The following KRT81 variants were observed in gnomAD, a reference collection of about 807,000 sequenced individuals.
KRT81 encodes keratin, type II cuticular Hb1.
A neutral mutation model predicts 35.8 loss-of-function variants in KRT81; 35 were observed. The ratio of observed to expected loss-of-function variants is 0.98; its 90% CI spans 0.75 to 1.30. The LOEUF is 1.30. KRT81 is among the 50% of genes most tolerant of loss of function. KRT81 has a pLI of 0.00. For missense variants in KRT81, 531 were observed against 577.4 expected (o/e 0.92, Z 0.82); for synonymous variants, 249 against 251.2 (o/e 0.99, Z 0.08).
intron 5 of KRT81, 116 bp from the exon 6 acceptor site, chr12:52,287,837 T>G: frequency 9.4e-6 from 15 of 1,601,510 alleles, no homozygotes; most frequent in Non-Finnish European, 1.2e-5. Flanking sequence ...CACATGGCAG[T>G]CCTGCCCTGC....
Position 52,286,425 on chromosome 12 carries a change from C to T in KRT81, c.1348G>A (p.Gly450Ser), listed in dbSNP as rs1472150207. 1.9e-6 allele frequency: 3 copies of T among 1,553,388 alleles called. No individual in the cohort carries two copies. The highest frequency in any genetic ancestry group is 2.6e-6 in the Non-Finnish European group (3 of 1,148,166). ...LCVSGSRPVT[G>S]SVCSAPCNGN... ...TTGCACGGAGCGCTGCAGACACTGC[C>T]AGTCACTGGCCGGGAGCCTGACACG... Residue 450 changes from glycine to serine, a missense_variant, in exon 9 of 9, where the codon GGC (glycine) becomes AGC (serine). Gly to Ser is a moderately conservative substitution (Grantham distance 56, BLOSUM62 0). Transcript: ENST00000327741.
rs754423411 is a variant in KRT81, at chr12:52,287,579, G to C, written c.1026+17C>G. 14 of 1,613,796 alleles carry C rather than the reference G, an allele frequency of 8.7e-6. No homozygotes were observed. Among genetic ancestry groups the C allele is most frequent in the African/African-American group, 6.7e-5 (5 of 74,894 alleles). On this transcript the variant is annotated intron_variant, in intron 6 of 8. Transcript: ENST00000327741. Reference sequence around the variant, plus strand: ...AGGCCCTCGGTCTCTCTGACCTTGCGCACAGATGCCCCATACCTGGCACTT... The same window carrying C: ...AGGCCCTCGGTCTCTCTGACCTTGCCCACAGATGCCCCATACCTGGCACTT...
chr12:52,287,661 C>A lies in KRT81; in HGVS notation c.961G>T (p.Glu321Ter), dbSNP rs765793025. 1 of 1,613,938 alleles carries A rather than the reference C, an allele frequency of 6.2e-7. No individual in the cohort carries two copies. Among genetic ancestry groups the A allele is most frequent in the Non-Finnish European group, 8.5e-7 (1 of 1,179,868 alleles). ...HGETLRRTKEEINELNRMIQR... is the reference protein window; with the variant it reads ...HGETLRRTKE ...ATCATGCGGTTCAGCTCATTGATCT[C>A]CTCCTTGGTGCGGCGCAGGGTCTCC... Residue 321 changes from glutamate (E) to a stop codon, truncating the protein, a stop_gained, in exon 6 of 9, where the codon GAG becomes TAG. Transcript: ENST00000327741. LOFTEE classifies it high-confidence loss of function.
rs149101320 is a variant in KRT81, at chr12:52,291,418, C to A, written c.48G>T (p.Ser16=). 1 of 1,611,764 alleles carries A rather than the reference C, an allele frequency of 6.2e-7. No homozygotes were observed. The highest frequency in any genetic ancestry group is 8.5e-7 in the Non-Finnish European group (1 of 1,179,290). Residue 16 remains serine (S), a synonymous_variant, in exon 1 of 9, where the codon TCG becomes TCT. Transcript: ENST00000327741. ...AGCGGCCGGGCCGCGGCCCGCAGGCCGAGATGCAGCTGAAGGCGCGCCCAC... is the reference window on the plus strand; with the variant it reads ...AGCGGCCGGGCCGCGGCCCGCAGGCAGAGATGCAGCTGAAGGCGCGCCCAC... The part of the protein sequence containing the change: ...GFGGRAFSCI[S]ACGPRPGRCC...
At chr12:52,287,076 T>C (rs1177035590) in intron 7 of KRT81, 26 bp downstream of exon 7, 3 of 1,612,510 alleles carry the variant, frequency 1.9e-6, no homozygotes, top group African/African-American at 1.3e-5. Context: ...GAAGGGTGGT[T>C]CTGGGCCACC....
At chr12:52,288,544 G>A in intron 3 of KRT81, 88 bp from the exon 4 acceptor site, 1 of 1,484,140 alleles carries the variant, frequency 6.7e-7, no homozygotes, top group Non-Finnish European at 9.4e-7. Flanking sequence ...CATGTAGCCA[G>A]GGGAAAGCAG....
In KRT81 at chr12:52,286,409, G is replaced by A. The variant is rs201991772; in HGVS notation, c.1364C>T (p.Ala455Val). Residue 455 changes from alanine to valine, a missense_variant, in exon 9 of 9, where the codon GCT becomes GTT. Transcript: ENST00000327741. Reference protein sequence around the residue: ...SRPVTGSVCSAPCNGNVAVST... With the variant: ...SRPVTGSVCSVPCNGNVAVST... ...CACCGCCACGTTCCCGTTGCACGGA[G>A]CGCTGCAGACACTGCCAGTCACTGG... 15 of 1,554,364 alleles carry A rather than the reference G, an allele frequency of 9.7e-6. No homozygotes were observed. The East Asian group carries it at 3.6e-4, about 38-fold the overall frequency.
chr12:52,291,484 G>C lies in KRT81; in HGVS notation c.-19C>G, dbSNP rs760314261. Reference sequence around the variant, plus strand: ...AGGTCATGATCCTCCTGGACGTTTGGGTTGCAGAGGACAGGATAGGGGACC... The same window carrying C: ...AGGTCATGATCCTCCTGGACGTTTGCGTTGCAGAGGACAGGATAGGGGACC... On this transcript the variant is annotated 5_prime_UTR_variant, in exon 1 of 9. Coordinates refer to ENST00000327741, the MANE Select transcript of KRT81 (RefSeq NM_002281.4). 1 of 1,612,332 alleles carries C rather than the reference G, an allele frequency of 6.2e-7. No individual in the cohort carries two copies. Among genetic ancestry groups the C allele is most frequent in the Non-Finnish European group, 8.5e-7 (1 of 1,179,288 alleles).
intron 3 of KRT81, 99 bp from the exon 4 acceptor site, chr12:52,288,555 T>TGCTTTC: frequency 1.5e-6 from 2 of 1,359,282 alleles, no homozygotes; most frequent in South Asian, 1.2e-5. Context: ...GGGAAAGCAG[T>TGCTTTC]CCCTGGTGTC....
chr12:52,286,780 C>CA lies in KRT81; in HGVS notation c.1279+10dup, dbSNP rs1318005756. The CA allele has an allele frequency of 6.2e-7, 1 of 1,613,824 alleles. No individual in the cohort carries two copies. Among genetic ancestry groups the CA allele is most frequent in the East Asian group, 2.2e-5 (1 of 44,886 alleles). On this transcript the variant is annotated intron_variant, in intron 8 of 8. Coordinates refer to ENST00000327741, the MANE Select transcript of KRT81 (RefSeq NM_002281.4). ...TAGTAAATCTGTCCACACTGGACCCCAAATACTCACAGACATTCACAGCCC... is the reference window on the plus strand; with the variant it reads ...TAGTAAATCTGTCCACACTGGACCCCAAAATACTCACAGACATTCACAGCCC...
At chr12:52,287,950 C>A (rs199926314) in intron 5 of KRT81, 34 bp downstream of exon 5, 1 of 1,614,032 alleles carries the variant, frequency 6.2e-7, no homozygotes, top group Non-Finnish European at 8.5e-7. Flanking sequence ...CTCCCACTGA[C>A]ACGTCTAGCA....
chr12:52,287,759 G>A (rs1331085526), intron 5 of KRT81, 38 bp from the exon 6 acceptor site: 3 of 1,613,974 alleles, frequency 1.9e-6, no homozygotes, highest in Non-Finnish European at 2.5e-6. Context: ...TTCAGGGTGG[G>A]ACCTCCCATC....
In KRT81 at chr12:52,286,837, GA is replaced by G; in HGVS notation, c.1248-16del. The G allele has an allele frequency of 6.2e-7, 1 of 1,613,740 alleles. No homozygotes were observed. Among genetic ancestry groups the G allele is most frequent in the Non-Finnish European group, 8.5e-7 (1 of 1,179,830 alleles). ...CTTCACATAGCCTGAGGGCAAAAGAGAAAAAGGCAACATTAGTGACTGCCCC... is the reference window on the plus strand; with the variant it reads ...CTTCACATAGCCTGAGGGCAAAAGAGAAAAGGCAACATTAGTGACTGCCCC... On this transcript the variant is annotated splice_polypyrimidine_tract_variant and intron_variant, in intron 7 of 8. Coordinates refer to ENST00000327741, the MANE Select transcript of KRT81 (RefSeq NM_002281.4).
chr12:52,286,631 C>G (rs1274009465), intron 8 of KRT81, 138 bp from the exon 9 acceptor site: 4 of 1,191,718 alleles, frequency 3.4e-6, no homozygotes, highest in Non-Finnish European at 3.7e-6. Context: ...TCCATCTAGT[C>G]CAAGAGCTGG....
intron 6 of KRT81, 128 bp from the exon 7 acceptor site, chr12:52,287,450 G>A (rs2121235475): frequency 3.8e-6 from 6 of 1,570,878 alleles, no homozygotes; most frequent in South Asian, 3.4e-5. Context: ...TTATCACCTG[G>A]GACTCATTGA....
In KRT81 at chr12:52,287,197, G is replaced by T. The variant is rs1307227739; in HGVS notation, c.1152C>A (p.Cys384Ter). The change falls in exon 7 of 9, where the codon TGC (cysteine) becomes TGA (stop). Residue 384 changes from cysteine (C) to a stop codon, truncating the protein, a stop_gained. Coordinates refer to ENST00000327741, the MANE Select transcript of KRT81 (RefSeq NM_002281.4). LOFTEE classifies it high-confidence loss of function. ...ALQKAKQDMA[C>*]LIREYQEVMN... Reference sequence around the variant, plus strand: ...TCACCTCCTGGTACTCCCTGATCAGGCAGGCCATGTCCTGCTTGGCCTTCT... The same window carrying T: ...TCACCTCCTGGTACTCCCTGATCAGTCAGGCCATGTCCTGCTTGGCCTTCT... 4 of 1,613,882 alleles carry T rather than the reference G, an allele frequency of 2.5e-6. No homozygotes were observed. In the East Asian group the frequency reaches 8.9e-5, roughly 36 times the overall value.
At position 52,286,388 on chromosome 12, in the gene KRT81, G is replaced by T. The variant is rs74095618; in HGVS notation, c.1385C>A (p.Ala462Glu). The change falls in exon 9 of 9, where the codon GCG (alanine) becomes GAG (glutamate). Residue 462 changes from alanine (A) to glutamate (E), a missense_variant. Physicochemically the swap from Ala to Glu is moderately radical, Grantham distance 107 (BLOSUM62 -1). Around this residue, in one of 5 missense-constraint regions of KRT81, gnomAD observed 150 missense variants for 145.4 expected, o/e 1.03. Transcript: ENST00000327741. ...VCSAPCNGNV[A>E]VSTGLCAPCG... ...GGGCGCACACAGGCCGGTGCTCACCGCCACGTTCCCGTTGCACGGAGCGCT... is the reference window on the plus strand; with the variant it reads ...GGGCGCACACAGGCCGGTGCTCACCTCCACGTTCCCGTTGCACGGAGCGCT... 3.1e-5 allele frequency: 48 copies of T among 1,555,200 alleles called. No homozygotes were observed. Among genetic ancestry groups the T allele is most frequent in the Non-Finnish European group, 3.9e-5 (45 of 1,149,202 alleles).
chr12:52,287,431 C>T, intron 6 of KRT81, 109 bp from the exon 7 acceptor site: 2 of 1,569,896 alleles, frequency 1.3e-6, no homozygotes, highest in Non-Finnish European at 1.7e-6. Flanking sequence ...AGAACAGAGC[C>T]TCTTGCCTTT....
rs1937957255 is a variant in KRT81, at chr12:52,286,819, T to A, written c.1251A>T (p.Leu417=). The A allele has an allele frequency of 6.2e-7, 1 of 1,613,808 alleles. No individual in the cohort carries two copies. The highest frequency in any genetic ancestry group is 1.7e-5 in the Admixed American group (1 of 59,982). ...CATTCACAGCCCCAATGCCTTCACA[T>A]AGCCTGAGGGCAAAAGAGAAAAAGG... ...RRLLEGEEQR[L]CEGIGAVNVC... The change falls in exon 8 of 9, where the codon CTA becomes CTT. Residue 417 remains leucine (L), a synonymous_variant. Coordinates refer to ENST00000327741, the MANE Select transcript of KRT81 (RefSeq NM_002281.4).
Sources: gnomAD v4.1 joint callset for allele counts on GRCh38, gnomAD v4.1.1 for gene constraint, gnomAD v4.1.1 regional missense constraint, MANE v1.5 for transcripts, NCBI Gene and HGNC (gene_info 2026-07-23, HGNC 2026-07-21) for gene names.